PIBF1: variants seen among roughly 807,000 people sequenced by gnomAD.
The protein encoded by PIBF1 is progesterone-induced-blocking factor 1.
In PIBF1, 90 loss-of-function variants were observed where a neutral mutation model predicts 112.5. The ratio of observed to expected loss-of-function variants is 0.80; its 90% CI spans 0.67 to 0.95. PIBF1 has a LOEUF of 0.95. Among genes scored for constraint, PIBF1 ranks in the 40% least tolerant of loss-of-function variants. The pLI is 0.00. For missense variants in PIBF1, 915 were observed against 852.3 expected (o/e 1.07, Z -0.92); for synonymous variants, 301 against 288.6 (o/e 1.04, Z -0.44).
In PIBF1 at chr13:72,908,633, G is replaced by A; in HGVS notation, c.1591G>A (p.Glu531Lys). The A allele has an allele frequency of 6.2e-7, 1 of 1,613,306 alleles. No homozygotes were observed. The highest frequency in any genetic ancestry group is 8.5e-7 in the Non-Finnish European group (1 of 1,179,522). Residue 531 changes from glutamate (E) to lysine (K), a missense_variant, in exon 12 of 18, where the codon GAG becomes AAG. By Grantham distance (56) the Glu-to-Lys change is moderately conservative (BLOSUM62 1). Transcript: ENST00000326291. Reference sequence around the variant, plus strand: ...GCATCAAGCAAGGCTAGACATTTATGAGAAACTGGAAAAAGAGCTTGATGA... The same window carrying A: ...GCATCAAGCAAGGCTAGACATTTATAAGAAACTGGAAAAAGAGCTTGATGA... ...SEHQARLDIY[E>K]KLEKELDEII...
rs2040850258 is a variant in PIBF1 at position 72,910,276 on chromosome 13, G to C, written c.1639+1595G>C. Among the ~76,000 whole-genome samples, 3 of 152,010 alleles carry C rather than the reference G, an allele frequency of 2.0e-5. No homozygotes were observed. In the South Asian group the frequency reaches 6.2e-4, roughly 32 times the overall value. On this transcript the variant is annotated intron_variant, in intron 12 of 17. Coordinates refer to ENST00000326291, the MANE Select transcript of PIBF1 (RefSeq NM_006346.4). ...ATTCAAATTTTCATATCATATGCTGGCTTTAATGACTTTTATTGTCTTCAT... is the reference window on the plus strand; with the variant it reads ...ATTCAAATTTTCATATCATATGCTGCCTTTAATGACTTTTATTGTCTTCAT...
At chr13:72,993,790 A>T (rs945161571) in intron 16 of PIBF1, among the ~76,000 whole-genome samples, 2 of 151,982 alleles carry the variant, frequency 1.3e-5, no homozygotes, top group Admixed American at 1.3e-4. Flanking sequence ...GAGTTTTCAG[A>T]AATTTGATTT....
At chr13:72,874,575 G>A (rs1469721676) in intron 10 of PIBF1, among the ~76,000 whole-genome samples, 1 of 152,192 alleles carries the variant, frequency 6.6e-6, no homozygotes, top group African/African-American at 2.4e-5. Context: ...GCCAGGGGTG[G>A]AATGAGAGAA....
At position 72,821,867 on chromosome 13, in the gene PIBF1, A is replaced by G. The variant is rs1176727508; in HGVS notation, c.691A>G (p.Lys231Glu). 5 of 1,612,254 alleles carry G rather than the reference A, an allele frequency of 3.1e-6. No homozygotes were observed. The highest frequency in any genetic ancestry group is 4.5e-5 in the East Asian group (2 of 44,736). The change falls in exon 6 of 18, where the codon AAA becomes GAA. Residue 231 changes from lysine (K) to glutamate (E), a missense_variant. By Grantham distance (56) the Lys-to-Glu change is moderately conservative. Coordinates refer to ENST00000326291, the MANE Select transcript of PIBF1 (RefSeq NM_006346.4). Reference protein sequence around the residue: ...QLTETYEEDRKNYSEVQIRCQ... With the variant: ...QLTETYEEDRENYSEVQIRCQ... The stretch of plus-strand genomic sequence containing the variant: ...TTTATAGACATATGAGGAAGATCGA[A>G]AAAACTACTCTGAAGTTCAAATTAG...
At chr13:72,836,017 T>C (rs1165669507) in intron 9 of PIBF1, 1 of 386,708 alleles carries the variant, frequency 2.6e-6, no homozygotes, top group East Asian at 7.7e-5. Flanking sequence ...GAGAATGGCA[T>C]GAACCGGGGA....
intron 9 of PIBF1, among the ~76,000 whole-genome samples, chr13:72,853,712 A>G (rs2038277701): frequency 6.6e-6 from 1 of 152,122 alleles, no homozygotes; most frequent in Non-Finnish European, 1.5e-5. Context: ...ACATTTATTA[A>G]CCTCCCCAAA....
chr13:72,831,192 G>C (rs1363304167), intron 8 of PIBF1, among the ~76,000 whole-genome samples: 1 of 150,860 alleles, frequency 6.6e-6, no homozygotes, highest in Non-Finnish European at 1.5e-5. Flanking sequence ...TATCTATTTT[G>C]TTGATCTTTA....
At chr13:72,829,607 C>G (rs2037000953) in intron 8 of PIBF1, among the ~76,000 whole-genome samples, 1 of 152,164 alleles carries the variant, frequency 6.6e-6, no homozygotes. Context: ...GGTGTTATTT[C>G]TGAGGCCTCT....
rs114525390 is a variant in PIBF1, at chr13:72,938,036, A to G, written c.1833+6769A>G. Among the ~76,000 whole-genome samples, 1,054 of 152,248 alleles carry G rather than the reference A, an allele frequency of 6.9e-3. 22 individuals carry two copies. Among genetic ancestry groups the G allele is most frequent in the African/African-American group, 0.024 (990 of 41,546 alleles). ...GGTGATGAATTCTGTTTCTGTATAT[A>G]GCAAAAAGTTGCTATTTTGCCTATT... On this transcript the variant is annotated intron_variant, in intron 14 of 17. Transcript: ENST00000326291.
At chr13:72,976,286 GAA>G (rs1247360418) in intron 16 of PIBF1, among the ~76,000 whole-genome samples, 1 of 150,642 alleles carries the variant, frequency 6.6e-6, no homozygotes, top group East Asian at 2.0e-4. Context: ...AAAAAAGAAA[GAA>G]AGAGAAAGAG....
intron 10 of PIBF1, among the ~76,000 whole-genome samples, chr13:72,892,249 A>G (rs1454879411): frequency 6.6e-6 from 1 of 152,122 alleles, no homozygotes; most frequent in Non-Finnish European, 1.5e-5. Context: ...AATTGTAAAA[A>G]GTTTTATATA....
chr13:72,962,642 T>G (rs1301811607), intron 14 of PIBF1, among the ~76,000 whole-genome samples: 1 of 150,998 alleles, frequency 6.6e-6, no homozygotes, highest in Non-Finnish European at 1.5e-5. Flanking sequence ...ATTAACCAAA[T>G]GGACACAAGA....
chr13:72,987,137 G>C (rs969411948), intron 16 of PIBF1, among the ~76,000 whole-genome samples: 1 of 152,158 alleles, frequency 6.6e-6, no homozygotes, highest in African/African-American at 2.4e-5. Context: ...TCATAAGAGA[G>C]ATGAATGAAA....
intron 8 of PIBF1, among the ~76,000 whole-genome samples, chr13:72,833,139 A>G (rs1353618832): frequency 1.3e-5 from 2 of 152,074 alleles, no homozygotes; most frequent in Admixed American, 6.5e-5. Flanking sequence ...ATTCTTCTCT[A>G]CACTGGTTAT....
chr13:72,884,535 C>A (rs1160735378), intron 10 of PIBF1: 1 of 151,948 alleles, frequency 6.6e-6, no homozygotes, highest in Admixed American at 6.6e-5. Flanking sequence ...GAAGACATTT[C>A]TTCAAAATAA....
chr13:72,996,268 TAAAA>T (rs374718365), intron 16 of PIBF1, among the ~76,000 whole-genome samples: 15,287 of 130,828 alleles, frequency 0.12, 2,160 homozygotes, highest in African/African-American at 0.34. Flanking sequence ...TTCAATATAT[TAAAA>T]AAAAAAAAAA....
chr13:72,877,579 T>G (rs952609041), intron 10 of PIBF1, among the ~76,000 whole-genome samples: 7 of 152,144 alleles, frequency 4.6e-5, no homozygotes, highest in African/African-American at 1.7e-4. Flanking sequence ...CCTCTTCAGA[T>G]TCTCTGTTTC....
At chr13:72,985,219 A>G (rs1259860687) in intron 16 of PIBF1, among the ~76,000 whole-genome samples, 1 of 152,264 alleles carries the variant, frequency 6.6e-6, no homozygotes, top group African/African-American at 2.4e-5. Flanking sequence ...CTGAAACTGT[A>G]TAATCTCTGA....
chr13:72,957,756 T>C (rs2042488030), intron 14 of PIBF1, among the ~76,000 whole-genome samples: 1 of 151,558 alleles, frequency 6.6e-6, no homozygotes, highest in Admixed American at 6.6e-5. Flanking sequence ...CTGGGCAATA[T>C]AGCAAGACCC....
Sources: gnomAD v4.1 joint callset for allele counts (sites outside exome capture counted in the v4.1 genomes callset) on GRCh38, gnomAD v4.1.1 for gene constraint, MANE v1.5 for transcripts, NCBI Gene and HGNC (gene_info 2026-07-23, HGNC 2026-07-21) for gene names.